Variants in ANGPT2 observed in about 807,000 individuals in gnomAD.
ANGPT2 encodes the protein angiopoietin-2.
A neutral mutation model predicts 62.9 loss-of-function variants in ANGPT2; 28 were observed. The observed-to-expected ratio is 0.44, with a 90% confidence interval of 0.33 to 0.61. The LOEUF is 0.61. Among genes scored for constraint, ANGPT2 ranks in the 20% least tolerant of loss-of-function variants. The probability of loss-of-function intolerance (pLI) is 0.03; values close to 1 mark genes in which losing one functional copy is unlikely to be tolerated. For synonymous variants in ANGPT2, 284 were observed against 207.8 expected (o/e 1.37, Z -3.15); for missense variants, 727 against 594.9 (o/e 1.22, Z -2.31).
At chr8:6,545,472 G>A (rs1563102214) in intron 1 of ANGPT2, among the ~76,000 whole-genome samples, 1 of 152,102 alleles carries the variant, frequency 6.6e-6, no homozygotes, top group South Asian at 2.1e-4. Context: ...TTTTCATCTA[G>A]GAGCACCTAA....
At chr8:6,508,887 T>G in intron 8 of ANGPT2, 45 bp downstream of exon 8, 3 of 1,613,450 alleles carry the variant, frequency 1.9e-6, no homozygotes, top group Non-Finnish European at 2.5e-6. Flanking sequence ...CTCTATGAAA[T>G]CATTCCTTGC....
chr8:6,542,781 A>T (rs1044035259), intron 1 of ANGPT2, among the ~76,000 whole-genome samples: 1 of 152,142 alleles, frequency 6.6e-6, no homozygotes, highest in Non-Finnish European at 1.5e-5. Flanking sequence ...TAGCATGATC[A>T]TCTCTGAAGT....
chr8:6,549,769 C>G (rs1490853236), intron 1 of ANGPT2, among the ~76,000 whole-genome samples: 1 of 152,152 alleles, frequency 6.6e-6, no homozygotes. Flanking sequence ...GGCAGCAAGT[C>G]CTCTATATCT....
rs376783320 is a variant in ANGPT2 at position 6,547,071 on chromosome 8, G to A, written c.289-14584C>T. 5.0e-4 allele frequency among the ~76,000 whole-genome samples: 76 copies of A among 152,060 alleles called. 1 individual carries two copies. In the South Asian group the frequency reaches 7.1e-3, roughly 14 times the overall value. The stretch of plus-strand genomic sequence containing the variant: ...TTCCGTGTGTACCGTGGTTGCCTTC[G>A]GGCTAATGCGTTTTTGGAAGTGTAG... On this transcript the variant is annotated intron_variant, in intron 1 of 8. Transcript: ENST00000629816.
At chr8:6,557,414 G>T (rs1223353465) in intron 1 of ANGPT2, among the ~76,000 whole-genome samples, 3 of 152,172 alleles carry the variant, frequency 2.0e-5, no homozygotes, top group Non-Finnish European at 2.9e-5. Context: ...ACCCTGTTGC[G>T]ATTGCTGCCT....
chr8:6,505,333 A>AT (rs1563306184), intron 8 of ANGPT2, among the ~76,000 whole-genome samples: 3 of 55,086 alleles, frequency 5.4e-5, no homozygotes, highest in East Asian at 8.4e-4. Flanking sequence ...ATATACATAT[A>AT]GAAAGAATAT....
intron 1 of ANGPT2, among the ~76,000 whole-genome samples, chr8:6,544,958 G>A (rs1822293506): frequency 6.6e-6 from 1 of 152,168 alleles, no homozygotes; most frequent in South Asian, 2.1e-4. Context: ...ATTTTTAAAT[G>A]TTGCTCCATG....
chr8:6,532,587 A>AAAG, intron 1 of ANGPT2, 100 bp from the exon 2 acceptor site: 1 of 892,444 alleles, frequency 1.1e-6, no homozygotes, highest in East Asian at 3.0e-5. Flanking sequence ...AAAAAAAAAA[A>AAAG]AAAAATCTAT....
At chr8:6,542,562 C>G (rs1452355021) in intron 1 of ANGPT2, among the ~76,000 whole-genome samples, 1 of 151,810 alleles carries the variant, frequency 6.6e-6, no homozygotes, top group Non-Finnish European at 1.5e-5. Flanking sequence ...CCCCATCCCG[C>G]ACTCTCATCG....
At chr8:6,558,452 T>G (rs937264625) in intron 1 of ANGPT2, among the ~76,000 whole-genome samples, 1 of 152,216 alleles carries the variant, frequency 6.6e-6, no homozygotes, top group Non-Finnish European at 1.5e-5. Context: ...TCAATTATTT[T>G]ATGGATTAAA....
chr8:6,536,332 G>T (rs541796749), intron 1 of ANGPT2, among the ~76,000 whole-genome samples: 5 of 152,238 alleles, frequency 3.3e-5, no homozygotes, highest in Admixed American at 2.6e-4. Context: ...TGGATGCAGG[G>T]CTGAGCACTG....
intron 2 of ANGPT2, 23 bp downstream of exon 2, chr8:6,532,309 G>A (rs1397351968): frequency 3.1e-6 from 5 of 1,613,916 alleles, no homozygotes; most frequent in Non-Finnish European, 4.2e-6. Flanking sequence ...GGGACACCGT[G>A]TGCTTTATGT....
chr8:6,508,606 A>G, intron 8 of ANGPT2: 1 of 470,778 alleles, frequency 2.1e-6, no homozygotes. Context: ...ACATAAAGCA[A>G]AATGTAATTA....
intron 5 of ANGPT2, among the ~76,000 whole-genome samples, chr8:6,518,359 G>C (rs541737014): frequency 1.3e-5 from 2 of 152,210 alleles, no homozygotes; most frequent in East Asian, 3.8e-4. Context: ...GAGTCTGTTC[G>C]TTGCCTTTTC....
intron 3 of ANGPT2, among the ~76,000 whole-genome samples, chr8:6,525,527 G>C (rs1480248206): frequency 6.6e-6 from 1 of 152,204 alleles, no homozygotes; most frequent in Non-Finnish European, 1.5e-5. Flanking sequence ...ACTGTGCCTG[G>C]CTTGAATCTA....
In ANGPT2 at chr8:6,562,998, G is replaced by A. The variant is rs1260235459; in HGVS notation, c.-64C>T. On this transcript the variant is annotated 5_prime_UTR_variant, in exon 1 of 9. Coordinates refer to ENST00000629816, the MANE Select transcript of ANGPT2 (RefSeq NM_001118887.2). ...AGGGCAAACACACGTCCAGAGTCCC[G>A]AGCTGCTGCCGTCTAAAACGCAGGG... 1.9e-5 allele frequency: 29 copies of A among 1,511,570 alleles called. No homozygotes were observed. The highest frequency in any genetic ancestry group is 4.0e-4 in the Middle Eastern group (2 of 5,022). 93.6% of individuals were successfully genotyped at this position (1,511,570 alleles called of 1,614,324 possible). A position where few individuals can be genotyped will look rare whatever the true frequency, so the allele number is the denominator to read the frequency against.
At chr8:6,554,468 A>T (rs1278061190) in intron 1 of ANGPT2, among the ~76,000 whole-genome samples, 2 of 152,168 alleles carry the variant, frequency 1.3e-5, no homozygotes, top group African/African-American at 4.8e-5. Context: ...ATTTCCCAAG[A>T]TTTCTATATC....
intron 5 of ANGPT2, 86 bp from the exon 6 acceptor site, chr8:6,514,864 G>A (rs1815942146): frequency 8.6e-7 from 1 of 1,158,270 alleles, no homozygotes; most frequent in South Asian, 1.3e-5. Flanking sequence ...TAGACCCTGA[G>A]TGCAGGACTC....
rs186347515 is a variant in ANGPT2 at position 6,527,502 on chromosome 8, A to G, written c.566+53T>C. On this transcript the variant is annotated intron_variant, in intron 3 of 8. Coordinates refer to ENST00000629816, the MANE Select transcript of ANGPT2 (RefSeq NM_001118887.2). ...AATTCATCATTTGAGACCGACTTTCATATCTGGAAAGTGTGCAGTCCTGAA... is the reference window on the plus strand; with the variant it reads ...AATTCATCATTTGAGACCGACTTTCGTATCTGGAAAGTGTGCAGTCCTGAA... 4.9e-3 allele frequency: 7,765 copies of G among 1,582,044 alleles called. 41 individuals carry two copies. The highest frequency in any genetic ancestry group is 5.9e-3 in the Non-Finnish European group (6,889 of 1,159,190).
Sources: allele counts gnomAD v4.1 joint callset (sites outside exome capture counted in the v4.1 genomes callset), GRCh38; gene constraint gnomAD v4.1.1; transcripts MANE v1.5; gene names NCBI Gene and HGNC (gene_info 2026-07-23, HGNC 2026-07-21).